The following DMD variants were observed in gnomAD, a reference collection of about 807,000 sequenced individuals.
DMD encodes the protein mutant dystrophin.
DMD carries 63 observed loss-of-function variants against 330.1 expected under a neutral mutation model. The ratio of observed to expected loss-of-function variants is 0.19; its 90% CI spans 0.16 to 0.24. DMD has a LOEUF of 0.24. Ranked by LOEUF, DMD falls within the 10% of genes least tolerant of loss-of-function variation. DMD has a pLI of 1.00. For synonymous variants in DMD, 1,223 were observed against 959.8 expected, an observed-to-expected ratio of 1.27 and a Z score of -5.07; for missense variants, 3,344 against 2,684.1, an observed-to-expected ratio of 1.25 and a Z score of -5.43.
At chrX:33,309,594 A>G (rs1304958364) in intron 1 of DMD, among the ~76,000 whole-genome samples, 2 of 111,334 alleles carry the variant, frequency 1.8e-5, no homozygotes, top group African/African-American at 6.5e-5. Context: ...GCAAAGAGAT[A>G]GTAAACTTTT....
At position 31,431,519 on chromosome X, in the gene DMD, TC is replaced by T. The variant is rs757764382; in HGVS notation, c.9084+12961del. On this transcript the variant is annotated intron_variant, in intron 60 of 78. Coordinates refer to ENST00000357033, the MANE Select transcript of DMD (RefSeq NM_004006.3). ...TTCAAGCCATTCTCCTGCCTCAGCCTCCCGAGTAGCTGAGATTACAGGCATG... is the reference window on the plus strand; with the variant it reads ...TTCAAGCCATTCTCCTGCCTCAGCCTCCGAGTAGCTGAGATTACAGGCATG... Among the ~76,000 whole-genome samples the T allele has an allele frequency of 2.7e-3, 302 of 111,346 alleles. 1 individual carries two copies. Among genetic ancestry groups the T allele is most frequent in the Middle Eastern group, 4.6e-3 (1 of 216 alleles).
intron 62 of DMD, among the ~76,000 whole-genome samples, chrX:31,283,416 C>T (rs927864132): frequency 9.0e-6 from 1 of 111,501 alleles, no homozygotes; most frequent in African/African-American, 3.3e-5. Context: ...TTGCCCCCTA[C>T]CTTAAATTAT....
At chrX:31,432,577 T>C (rs952674422) in intron 60 of DMD, among the ~76,000 whole-genome samples, 2 of 112,235 alleles carry the variant, frequency 1.8e-5, no homozygotes, top group Admixed American at 1.9e-4. Flanking sequence ...GGATAAGTAG[T>C]TCCTTTAAAA....
intron 61 of DMD, among the ~76,000 whole-genome samples, chrX:31,325,012 G>A (rs1435267270): frequency 3.6e-5 from 4 of 112,130 alleles, no homozygotes; most frequent in Non-Finnish European, 7.5e-5. Flanking sequence ...AACGATATAG[G>A]AAATGGATTT....
intron 44 of DMD, among the ~76,000 whole-genome samples, chrX:32,053,119 A>C (rs1037784558): frequency 1.8e-5 from 2 of 111,629 alleles, no homozygotes; most frequent in Non-Finnish European, 3.8e-5. Flanking sequence ...TACAAAATTG[A>C]CAATCAGACT....
At chrX:32,380,465 G>A (rs770257286) in intron 34 of DMD, 45 bp downstream of exon 34, 2 of 1,135,009 alleles carry the variant, frequency 1.8e-6, no homozygotes, top group Admixed American at 4.4e-5. Flanking sequence ...CATATTATGT[G>A]TTTTCACGTA....
intron 2 of DMD, among the ~76,000 whole-genome samples, chrX:32,924,392 G>A (rs113695573): frequency 0.022 from 2,387 of 110,644 alleles, 67 homozygotes; most frequent in African/African-American, 0.075. Flanking sequence ...TTAGCAGGGC[G>A]TGGTGTGCAC....
intron 1 of DMD, among the ~76,000 whole-genome samples, chrX:33,247,217 C>T (rs187366332): frequency 1.3e-3 from 140 of 111,472 alleles, no homozygotes; most frequent in Non-Finnish European, 1.0e-3. Flanking sequence ...AGTAAGACAG[C>T]CAGGGGTTGA....
intron 55 of DMD, among the ~76,000 whole-genome samples, chrX:31,622,697 T>C (rs1216256107): frequency 1.8e-5 from 2 of 108,815 alleles, no homozygotes; most frequent in East Asian, 2.9e-4. Flanking sequence ...TAAGATTCTG[T>C]TGTATAAGCC....
At chrX:32,705,602 T>A (rs1375337268) in intron 7 of DMD, among the ~76,000 whole-genome samples, 1 of 111,115 alleles carries the variant, frequency 9.0e-6, no homozygotes, top group Non-Finnish European at 1.9e-5. Context: ...TCGCCTGAGG[T>A]TAGGAATTTG....
At chrX:32,707,502 G>A (rs2064785097) in intron 7 of DMD, among the ~76,000 whole-genome samples, 2 of 111,593 alleles carry the variant, frequency 1.8e-5, no homozygotes, top group South Asian at 3.7e-4. Flanking sequence ...GACTTTAGGA[G>A]TTTTAAATAA....
rs192893757 is a variant in DMD at position 32,560,806 on chromosome X, A to T, written c.1992+4896T>A. Among the ~76,000 whole-genome samples, 331 of 112,310 alleles carry T rather than the reference A, an allele frequency of 2.9e-3. 2 individuals carry two copies. Among genetic ancestry groups the T allele is most frequent in the African/African-American group, 0.01 (311 of 30,897 alleles). On this transcript the variant is annotated intron_variant, in intron 16 of 78. Transcript: ENST00000357033. ...ATGGCTGCATACTATTCCATGGTGT[A>T]TATGTATCACATTTTCTTTATCCAG...
At chrX:32,408,848 CTTTCT>C (rs1163675962) in intron 30 of DMD, among the ~76,000 whole-genome samples, 1 of 105,509 alleles carries the variant, frequency 9.5e-6, no homozygotes, top group African/African-American at 3.4e-5. Context: ...TATTCTATTC[CTTTCT>C]TTTCTTTCTT....
At position 32,655,034 on chromosome X, in the gene DMD, T is replaced by C; in HGVS notation, c.961-9882A>G. On this transcript the variant is annotated intron_variant, in intron 9 of 78. Transcript: ENST00000357033. The stretch of plus-strand genomic sequence containing the variant: ...TTTTATTGCATCTATTTGATTCTTC[T>C]CTCTTTTCTTATTAGTCTTGCTAGC... 1.8e-5 allele frequency among the ~76,000 whole-genome samples: 2 copies of C among 111,959 alleles called. 1 individual carries two copies. The highest frequency in any genetic ancestry group is 7.5e-4 in the South Asian group (2 of 2,663).
chrX:31,150,958 T>C (rs780438012), intron 74 of DMD, among the ~76,000 whole-genome samples: 110 of 112,204 alleles, frequency 9.8e-4, no homozygotes, highest in African/African-American at 3.3e-3. Flanking sequence ...TCTACAGAAA[T>C]AGAATCTCCT....
At chrX:31,768,151 A>C (rs113407161) in intron 51 of DMD, among the ~76,000 whole-genome samples, 1 of 110,752 alleles carries the variant, frequency 9.0e-6, no homozygotes, top group Non-Finnish European at 1.9e-5. Context: ...TATCCTGAAC[A>C]CCTGGCCAAA....
At chrX:31,889,023 G>C (rs2094196120) in intron 47 of DMD, among the ~76,000 whole-genome samples, 1 of 112,076 alleles carries the variant, frequency 8.9e-6, no homozygotes, top group South Asian at 3.7e-4. Context: ...CACAGTGTAT[G>C]TTAGTTTTAT....
chrX:32,847,608 A>T (rs2149001171), intron 3 of DMD, among the ~76,000 whole-genome samples: 1 of 112,170 alleles, frequency 8.9e-6, no homozygotes, highest in East Asian at 2.8e-4. Flanking sequence ...TGAGAAAGGC[A>T]AAATCCTCAG....
At chrX:31,921,756 T>C (rs2094692924) in intron 47 of DMD, among the ~76,000 whole-genome samples, 1 of 112,227 alleles carries the variant, frequency 8.9e-6, no homozygotes, top group Non-Finnish European at 1.9e-5. Flanking sequence ...GTATTTGAAT[T>C]TTATGGATGT....
Sources: allele counts gnomAD v4.1 joint callset (sites outside exome capture counted in the v4.1 genomes callset), GRCh38; gene constraint gnomAD v4.1.1; transcripts MANE v1.5; gene names NCBI Gene and HGNC (gene_info 2026-07-23, HGNC 2026-07-21).